The following HPSE2 variants were observed in gnomAD, a reference collection of about 807,000 sequenced individuals.
The protein encoded by HPSE2 is inactive heparanase-2.
In HPSE2, 38 loss-of-function variants were observed where a neutral mutation model predicts 60.5. That is an observed-to-expected ratio of 0.63 (90% CI 0.48 to 0.82). The LOEUF is 0.82. Among genes scored for constraint, HPSE2 ranks in the 40% least tolerant of loss-of-function variants. The pLI is 0.00. For synonymous variants in HPSE2, 295 were observed against 293.2 expected (o/e 1.01, Z -0.06); for missense variants, 713 against 740.4 (o/e 0.96, Z 0.43).
chr10:98,966,093 GT>G (rs1955808056), intron 3 of HPSE2, among the ~76,000 whole-genome samples: 1 of 152,102 alleles, frequency 6.6e-6, no homozygotes, highest in Non-Finnish European at 1.5e-5. Flanking sequence ...GTTTCACCAA[GT>G]TGGCCAGACT....
intron 3 of HPSE2, among the ~76,000 whole-genome samples, chr10:98,911,501 G>T (rs1953978247): frequency 1.3e-5 from 2 of 152,186 alleles, no homozygotes; most frequent in South Asian, 4.1e-4. Context: ...CAGGTATGGA[G>T]TGTGTTCTAG....
At chr10:98,633,661 C>A (rs1946423420) in intron 7 of HPSE2, among the ~76,000 whole-genome samples, 1 of 152,156 alleles carries the variant, frequency 6.6e-6, no homozygotes, top group Non-Finnish European at 1.5e-5. Context: ...AGTAAGGCTT[C>A]TGGTCAACAG....
the HPSE2 span, among the ~76,000 whole-genome samples, chr10:99,261,773 C>T: frequency 6.6e-6 from 1 of 152,182 alleles, no homozygotes; most frequent in African/African-American, 2.4e-5. Flanking sequence ...AGAAAAACCC[C>T]AGCCACATCT....
chr10:98,517,556 G>A lies in HPSE2; in HGVS notation c.1321-27360C>T, dbSNP rs1942643745. 7.2e-5 allele frequency among the ~76,000 whole-genome samples: 11 copies of A among 152,190 alleles called. No individual in the cohort carries two copies. The South Asian group carries it at 2.3e-3, about 31-fold the overall frequency. On this transcript the variant is annotated intron_variant, in intron 9 of 11. Coordinates refer to ENST00000370552, the MANE Select transcript of HPSE2 (RefSeq NM_021828.5). ...ATTAACCTAACATTTCATGTTTGAT[G>A]GTGATATGTAAGAATGTCTAATCTT...
At chr10:98,613,115 C>T (rs1565015444) in intron 9 of HPSE2, among the ~76,000 whole-genome samples, 1 of 152,186 alleles carries the variant, frequency 6.6e-6, no homozygotes, top group African/African-American at 2.4e-5. Context: ...GAAGCCTTTC[C>T]TGCACATGTA....
chr10:98,850,958 G>A (rs1952159599), intron 3 of HPSE2, among the ~76,000 whole-genome samples: 1 of 152,172 alleles, frequency 6.6e-6, no homozygotes, highest in African/African-American at 2.4e-5. Flanking sequence ...GTAATTAGCA[G>A]ATGAACAAGA....
chr10:99,285,381 G>C, the HPSE2 span, among the ~76,000 whole-genome samples: 1 of 150,620 alleles, frequency 6.6e-6, no homozygotes, highest in Admixed American at 6.6e-5. Context: ...GCAGTGAGCT[G>C]AGTGTGCCAC....
chr10:98,502,404 C>G (rs1219919665), intron 9 of HPSE2, among the ~76,000 whole-genome samples: 1 of 152,160 alleles, frequency 6.6e-6, no homozygotes, highest in Non-Finnish European at 1.5e-5. Flanking sequence ...CACATACTTA[C>G]AGCCAACTGA....
chr10:98,565,321 C>T (rs1408157473), intron 9 of HPSE2, among the ~76,000 whole-genome samples: 3 of 151,612 alleles, frequency 2.0e-5, no homozygotes, highest in Non-Finnish European at 2.9e-5. Context: ...GCTCTCACTC[C>T]CCTTGTCCCC....
chr10:98,852,119 G>A lies in HPSE2; in HGVS notation c.611-108063C>T, dbSNP rs1389497755. 7.0e-3 allele frequency among the ~76,000 whole-genome samples: 685 copies of A among 98,400 alleles called. 9 individuals are homozygous for A. Among genetic ancestry groups the A allele is most frequent in the African/African-American group, 0.028 (518 of 18,628 alleles). The allele number at this position is 98,400 out of a possible 152,430, so 64.6% of individuals were successfully genotyped here. ...GCAAACCTTGTATATTATGATGTGT[G>A]TGTGTGTGTGTGTGTGTGTGTGTGT... is the stretch of plus-strand genomic sequence containing the variant. On this transcript the variant is annotated intron_variant, in intron 3 of 11. Coordinates refer to ENST00000370552, the MANE Select transcript of HPSE2 (RefSeq NM_021828.5).
chr10:99,091,365 A>G (rs1843506641), intron 3 of HPSE2, among the ~76,000 whole-genome samples: 1 of 152,140 alleles, frequency 6.6e-6, no homozygotes, highest in Non-Finnish European at 1.5e-5. Flanking sequence ...AAATAACACT[A>G]TGTTATTTGT....
chr10:98,556,262 A>C (rs1422311912), intron 9 of HPSE2, among the ~76,000 whole-genome samples: 1 of 152,194 alleles, frequency 6.6e-6, no homozygotes, highest in Non-Finnish European at 1.5e-5. Context: ...CAGGACATGC[A>C]AACTTGGTGG....
intron 4 of HPSE2, among the ~76,000 whole-genome samples, chr10:98,738,101 C>A (rs1949404184): frequency 1.3e-5 from 2 of 152,130 alleles, no homozygotes; most frequent in African/African-American, 4.8e-5. Context: ...GCTACAGTAA[C>A]CAAAACAGCA....
At chr10:98,804,741 A>C (rs1951002148) in intron 3 of HPSE2, among the ~76,000 whole-genome samples, 1 of 151,716 alleles carries the variant, frequency 6.6e-6, no homozygotes, top group Non-Finnish European at 1.5e-5. Context: ...CAGAAAACTA[A>C]AAATAGAGCT....
intron 2 of HPSE2, among the ~76,000 whole-genome samples, chr10:99,229,992 G>C (rs1849592950): frequency 6.6e-6 from 1 of 152,138 alleles, no homozygotes; most frequent in South Asian, 2.1e-4. Flanking sequence ...AGACAGTATG[G>C]GTAATTTAAG....
chr10:98,798,923 C>T (rs775718423), intron 3 of HPSE2, among the ~76,000 whole-genome samples: 30 of 151,994 alleles, frequency 2.0e-4, no homozygotes, highest in Non-Finnish European at 3.8e-4. Flanking sequence ...CTAAACTCCG[C>T]AATTTCTACT....
chr10:98,931,848 C>T (rs1167048820), intron 3 of HPSE2, among the ~76,000 whole-genome samples: 1 of 143,982 alleles, frequency 6.9e-6, no homozygotes, highest in African/African-American at 2.8e-5. Flanking sequence ...AGTTGCATAT[C>T]AGCTTAAGAA....
intron 3 of HPSE2, among the ~76,000 whole-genome samples, chr10:98,865,933 T>C (rs1952577028): frequency 6.6e-6 from 1 of 152,092 alleles, no homozygotes; most frequent in Non-Finnish European, 1.5e-5. Context: ...CCAAATAACT[T>C]AACTCTCCAT....
chr10:98,670,315 C>A (rs1452113323), intron 6 of HPSE2, among the ~76,000 whole-genome samples: 1 of 152,112 alleles, frequency 6.6e-6, no homozygotes, highest in African/African-American at 2.4e-5. Context: ...TGGAAGCAAG[C>A]AGATAGGAAT....
Sources: allele counts gnomAD v4.1 joint callset (sites outside exome capture counted in the v4.1 genomes callset), GRCh38; gene constraint gnomAD v4.1.1; transcripts MANE v1.5; gene names NCBI Gene and HGNC (gene_info 2026-07-23, HGNC 2026-07-21).